Variants in ALPK1 observed in about 807,000 individuals in gnomAD.
ALPK1 encodes the protein alpha kinase 1.
Under a neutral mutation model 120.6 loss-of-function variants are expected in ALPK1, and 110 were observed. The observed-to-expected ratio is 0.91, with a 90% confidence interval of 0.78 to 1.07. The LOEUF (loss-of-function observed/expected upper bound fraction) is 1.07. ALPK1 is among the 50% of genes least tolerant of loss of function. The pLI is 0.00. For synonymous variants in ALPK1, 582 were observed against 560.3 expected, an observed-to-expected ratio of 1.04 and a Z score of -0.55; for missense variants, 1,498 against 1,483.9, an observed-to-expected ratio of 1.01 and a Z score of -0.16.
intron 2 of ALPK1, among the ~76,000 whole-genome samples, chr4:112,353,254 G>A (rs926182061): frequency 1.3e-5 from 2 of 152,100 alleles, no homozygotes; most frequent in East Asian, 3.9e-4. Flanking sequence ...GGGATTACAG[G>A]TGTGATCACC....
chr4:112,423,579 T>C (rs1158804822), intron 5 of ALPK1: 10 of 373,868 alleles, frequency 2.7e-5, no homozygotes, highest in Non-Finnish European at 5.2e-5. Flanking sequence ...AACTAGTTCC[T>C]GTCCACGGGC....
intron 2 of ALPK1, among the ~76,000 whole-genome samples, chr4:112,321,788 A>T (rs1384102336): frequency 6.6e-6 from 1 of 152,224 alleles, no homozygotes; most frequent in Non-Finnish European, 1.5e-5. Flanking sequence ...AGTATTTGTC[A>T]GTTGCATAAT....
Position 112,382,139 on chromosome 4 carries a change from A to G in ALPK1, c.122-259A>G, listed in dbSNP as rs75583896. Reference sequence around the variant, plus strand: ...TCACTAAAGTGCTTTACTTCCTGCTAAAAACCTTTCTTAATGCCTGACTAC... The same window carrying G: ...TCACTAAAGTGCTTTACTTCCTGCTGAAAACCTTTCTTAATGCCTGACTAC... On this transcript the variant is annotated intron_variant, in intron 3 of 15. Transcript: ENST00000650871. Among the ~76,000 whole-genome samples, 1,181 of 152,280 alleles carry G rather than the reference A, an allele frequency of 7.8e-3. 21 individuals carry two copies. Among genetic ancestry groups the G allele is most frequent in the African/African-American group, 0.027 (1,126 of 41,550 alleles).
intron 1 of ALPK1, among the ~76,000 whole-genome samples, chr4:112,312,184 A>G (rs1255821092): frequency 1.3e-5 from 2 of 152,186 alleles, no homozygotes; most frequent in East Asian, 3.8e-4. Context: ...ATCATAGATA[A>G]TTCTTATGTT....
chr4:112,430,308 A>G (rs1022016328), intron 10 of ALPK1, 140 bp from the exon 11 acceptor site: 8 of 852,380 alleles, frequency 9.4e-6, no homozygotes, highest in African/African-American at 6.8e-5. Flanking sequence ...TTGCCTGTAT[A>G]TTTTCCTTAG....
intron 12 of ALPK1, among the ~76,000 whole-genome samples, chr4:112,437,986 T>A (rs978120983): frequency 3.3e-5 from 5 of 152,188 alleles, no homozygotes; most frequent in Non-Finnish European, 7.3e-5. Flanking sequence ...ACAAATCATG[T>A]CTCACACTTT....
intron 4 of ALPK1, among the ~76,000 whole-genome samples, chr4:112,395,319 A>G (rs1229218339): frequency 2.0e-5 from 3 of 152,198 alleles, no homozygotes; most frequent in Non-Finnish European, 4.4e-5. Flanking sequence ...ATAAAACAAG[A>G]TTATCTCACT....
chr4:112,297,661 G>A (rs528095121), intron 1 of ALPK1, among the ~76,000 whole-genome samples, 192 bp downstream of exon 1: 3 of 151,892 alleles, frequency 2.0e-5, no homozygotes, highest in Non-Finnish European at 4.4e-5. Context: ...TGGGGTGAAG[G>A]GGGTGGAGTG....
intron 12 of ALPK1, among the ~76,000 whole-genome samples, chr4:112,437,559 G>A (rs1450874120): frequency 6.6e-6 from 1 of 152,122 alleles, no homozygotes; most frequent in Non-Finnish European, 1.5e-5. Flanking sequence ...CCCTCTATAG[G>A]TCTTGCGGTC....
chr4:112,394,794 G>A (rs1732578957), intron 4 of ALPK1, among the ~76,000 whole-genome samples: 1 of 152,170 alleles, frequency 6.6e-6, no homozygotes, highest in Non-Finnish European at 1.5e-5. Context: ...GCCAAGTCCT[G>A]GAGGAGTTGA....
intron 2 of ALPK1, among the ~76,000 whole-genome samples, chr4:112,376,271 A>G (rs558895020): frequency 1.3e-5 from 2 of 152,196 alleles, no homozygotes; most frequent in Non-Finnish European, 2.9e-5. Context: ...AAGTAACACA[A>G]ATTTTGTATT....
intron 1 of ALPK1, among the ~76,000 whole-genome samples, chr4:112,302,137 A>G (rs1727816455): frequency 6.6e-6 from 1 of 151,542 alleles, no homozygotes; most frequent in Non-Finnish European, 1.5e-5. Context: ...ATCTGTCAAG[A>G]CCTCTAGGTG....
chr4:112,330,578 C>T (rs1467215864), intron 2 of ALPK1, among the ~76,000 whole-genome samples: 1 of 152,232 alleles, frequency 6.6e-6, no homozygotes, highest in Non-Finnish European at 1.5e-5. Flanking sequence ...AGAGGTTCCA[C>T]TCCTGCTTCT....
At chr4:112,405,752 T>C (rs1208051448) in intron 4 of ALPK1, among the ~76,000 whole-genome samples, 1 of 152,174 alleles carries the variant, frequency 6.6e-6, no homozygotes, top group Non-Finnish European at 1.5e-5. Flanking sequence ...ATTTTTTGTA[T>C]TTTTAGTAGA....
intron 2 of ALPK1, among the ~76,000 whole-genome samples, chr4:112,345,956 C>T (rs1057131489): frequency 2.6e-5 from 4 of 152,178 alleles, no homozygotes; most frequent in African/African-American, 7.2e-5. Flanking sequence ...CTTTGTCTCC[C>T]GGGTTCAAGC....
At chr4:112,393,360 T>A (rs1291902543) in intron 4 of ALPK1, among the ~76,000 whole-genome samples, 4 of 151,220 alleles carry the variant, frequency 2.6e-5, no homozygotes, top group East Asian at 3.9e-4. Flanking sequence ...GGGGAGGGGG[T>A]GTGGGGGAGT....
intron 2 of ALPK1, among the ~76,000 whole-genome samples, chr4:112,337,561 A>C (rs1038477626): frequency 1.3e-5 from 2 of 152,178 alleles, no homozygotes; most frequent in Non-Finnish European, 2.9e-5. Flanking sequence ...AAAATGAGCC[A>C]GGCATGGTGG....
At chr4:112,417,826 C>G (rs1026118419) in intron 5 of ALPK1, among the ~76,000 whole-genome samples, 1 of 152,092 alleles carries the variant, frequency 6.6e-6, no homozygotes, top group Non-Finnish European at 1.5e-5. Flanking sequence ...TAGTGCACCA[C>G]ATGCACAGAA....
chr4:112,358,495 GC>G, intron 2 of ALPK1: 2 of 674,956 alleles, frequency 3.0e-6, no homozygotes, highest in Non-Finnish European at 2.7e-6. Context: ...TGAAGCAGAG[GC>G]CCTCAGGGTC....
Sources: gnomAD v4.1 joint callset for allele counts (sites outside exome capture counted in the v4.1 genomes callset) on GRCh38, gnomAD v4.1.1 for gene constraint, MANE v1.5 for transcripts, NCBI Gene and HGNC (gene_info 2026-07-23, HGNC 2026-07-21) for gene names.